The following MRC1 variants were observed in gnomAD, a reference collection of about 807,000 sequenced individuals.
MRC1 encodes macrophage mannose receptor 1.
A neutral mutation model predicts 102.9 loss-of-function variants in MRC1; 62 were observed. That is an observed-to-expected ratio of 0.60 (90% CI 0.49 to 0.74). The LOEUF is 0.74. MRC1 is among the 30% of genes least tolerant of loss of function. MRC1 has a pLI of 0.00. For missense variants in MRC1, 1,237 were observed against 862.8 expected, an observed-to-expected ratio of 1.43 and a Z score of -5.43; for synonymous variants, 457 against 298.4, an observed-to-expected ratio of 1.53 and a Z score of -5.48.
At chr10:17,847,325 A>G (rs1838840930) in intron 6 of MRC1, among the ~76,000 whole-genome samples, 1 of 152,178 alleles carries the variant, frequency 6.6e-6, no homozygotes, top group African/African-American at 2.4e-5. Context: ...CATGTGTAAA[A>G]TGGAAATGTT....
At chr10:17,894,685 C>T (rs1315972557) in intron 23 of MRC1, among the ~76,000 whole-genome samples, 3 of 152,002 alleles carry the variant, frequency 2.0e-5, no homozygotes, top group African/African-American at 7.2e-5. Flanking sequence ...AGGAGTAAGC[C>T]ACTGTGCCTG....
intron 4 of MRC1, among the ~76,000 whole-genome samples, chr10:17,836,012 G>A (rs1264641146): frequency 7.2e-5 from 11 of 152,226 alleles, no homozygotes; most frequent in African/African-American, 2.7e-4. Context: ...AGATTCTGCA[G>A]CCAGACTGCC....
rs529696882 is a variant in MRC1, at chr10:17,853,917, G to C, written c.1407+793G>C. Among the ~76,000 whole-genome samples the C allele has an allele frequency of 2.6e-3, 392 of 152,214 alleles. 2 individuals are homozygous for C. The highest frequency in any genetic ancestry group is 3.9e-3 in the Admixed American group (59 of 15,284). Reference sequence around the variant, plus strand: ...TATTTGCAAAATGGGAATAAGAGCTGTACTTAGCTCACCTGTGGATATGAG... The same window carrying C: ...TATTTGCAAAATGGGAATAAGAGCTCTACTTAGCTCACCTGTGGATATGAG... On this transcript the variant is annotated intron_variant, in intron 8 of 29. Transcript: ENST00000569591.
intron 3 of MRC1, among the ~76,000 whole-genome samples, chr10:17,831,186 C>T (rs1045099040): frequency 3.3e-5 from 5 of 150,638 alleles, no homozygotes; most frequent in Admixed American, 2.6e-4. Context: ...TGAGCCATGG[C>T]GCCCGCATTT....
intron 20 of MRC1, 69 bp from the exon 21 acceptor site, chr10:17,880,998 A>G: frequency 1.3e-6 from 1 of 776,874 alleles, no homozygotes; most frequent in East Asian, 2.4e-5. Context: ...CTTTTTGTAG[A>G]GCAAAGTTGA....
At chr10:17,849,832 G>A in intron 7 of MRC1, 68 bp downstream of exon 7, 1 of 669,350 alleles carries the variant, frequency 1.5e-6, no homozygotes, top group Non-Finnish European at 2.8e-6. Flanking sequence ...ACCCAACTCT[G>A]GAAAATTCTA....
chr10:17,855,732 T>A (rs1833079948), intron 8 of MRC1, among the ~76,000 whole-genome samples: 1 of 152,128 alleles, frequency 6.6e-6, no homozygotes, highest in African/African-American at 2.4e-5. Context: ...AATCACTTTT[T>A]ACATGTTTGT....
intron 9 of MRC1, among the ~76,000 whole-genome samples, chr10:17,861,043 C>T (rs1833177413): frequency 6.6e-6 from 1 of 152,198 alleles, no homozygotes; most frequent in Admixed American, 6.5e-5. Context: ...GGCACAGTGG[C>T]TCACGCCTAT....
At chr10:17,840,261 AATC>A (rs1187122541) in intron 4 of MRC1, among the ~76,000 whole-genome samples, 1 of 151,480 alleles carries the variant, frequency 6.6e-6, no homozygotes, top group African/African-American at 2.4e-5. Flanking sequence ...ATTAGTATTT[AATC>A]ATCATGTTAA....
chr10:17,811,045 A>C (rs1838213595), intron 1 of MRC1, among the ~76,000 whole-genome samples: 1 of 152,080 alleles, frequency 6.6e-6, no homozygotes, highest in Admixed American at 6.6e-5. Context: ...TGCCCTCCTC[A>C]GCCTCCCAAA....
At chr10:17,855,895 G>A (rs1015731281) in intron 8 of MRC1, among the ~76,000 whole-genome samples, 25 of 152,134 alleles carry the variant, frequency 1.6e-4, no homozygotes, top group Non-Finnish European at 3.1e-4. Flanking sequence ...TTGGCCGGGC[G>A]CAGTGGCTCA....
chr10:17,902,486 A>G (rs1833841871), intron 26 of MRC1, among the ~76,000 whole-genome samples: 1 of 152,222 alleles, frequency 6.6e-6, no homozygotes, highest in African/African-American at 2.4e-5. Context: ...TGTACCATTA[A>G]TAGAAAAGTA....
chr10:17,825,533 G>T (rs1447099055), intron 2 of MRC1, among the ~76,000 whole-genome samples: 1 of 152,126 alleles, frequency 6.6e-6, no homozygotes, highest in African/African-American at 2.4e-5. Context: ...TTGATTTCGG[G>T]AGTTCAAGAC....
chr10:17,831,117 C>T (rs1262966057), intron 3 of MRC1, among the ~76,000 whole-genome samples: 3 of 149,454 alleles, frequency 2.0e-5, no homozygotes, highest in African/African-American at 7.6e-5. Context: ...AGGCTGATCG[C>T]GAACTCCTAA....
At chr10:17,905,611 CATTCTCA>C (rs1263874946) in intron 26 of MRC1, among the ~76,000 whole-genome samples, 2 of 151,334 alleles carry the variant, frequency 1.3e-5, no homozygotes, top group East Asian at 1.9e-4. Flanking sequence ...TTCTCATTCT[CATTCTCA>C]AAATATGAGT....
At chr10:17,902,352 T>G (rs45525636) in intron 26 of MRC1, among the ~76,000 whole-genome samples, 2,096 of 152,266 alleles carry the variant, frequency 0.014, 19 homozygotes, top group Non-Finnish European at 0.021. Flanking sequence ...TTCTAAATGG[T>G]TTCTTCCTTT....
chr10:17,854,966 T>C, intron 8 of MRC1: 1 of 152,558 alleles, frequency 6.6e-6, no homozygotes, highest in Non-Finnish European at 1.5e-5. Flanking sequence ...GCTGGGATTA[T>C]AGGCGTGAGC....
At chr10:17,815,035 ACTGT>A (rs1325047528) in intron 1 of MRC1, among the ~76,000 whole-genome samples, 1 of 151,896 alleles carries the variant, frequency 6.6e-6, no homozygotes, top group Non-Finnish European at 1.5e-5. Context: ...AACATCTCAC[ACTGT>A]CTGTACGACT....
intron 1 of MRC1, among the ~76,000 whole-genome samples, chr10:17,813,704 T>A (rs79619921): frequency 0.096 from 11,605 of 120,348 alleles, 495 homozygotes; most frequent in East Asian, 0.17. Flanking sequence ...ATATATATTT[T>A]TTTTTTTTTT....
Sources: gnomAD v4.1 joint callset for allele counts (sites outside exome capture counted in the v4.1 genomes callset) on GRCh38, gnomAD v4.1.1 for gene constraint, MANE v1.5 for transcripts, NCBI Gene and HGNC (gene_info 2026-07-23, HGNC 2026-07-21) for gene names.